Variants in PGPEP1L observed in about 807,000 individuals in gnomAD.
PGPEP1L encodes the protein pyroglutamyl-peptidase 1-like protein.
Under a neutral mutation model 6.0 loss-of-function variants are expected in PGPEP1L, and 7 were observed. The ratio of observed to expected loss-of-function variants is 1.17; its 90% CI spans 0.66 to 2.19. PGPEP1L has a LOEUF of 2.19. Ranked by LOEUF, PGPEP1L falls within the 30% of genes most tolerant of loss-of-function variation. The pLI is 0.00. For synonymous variants in PGPEP1L, 103 were observed against 83.9 expected (o/e 1.23, Z -1.24); for missense variants, 209 against 192.5 (o/e 1.09, Z -0.51).
chr15:98,983,907 CTT>C (rs928605647), intron 2 of PGPEP1L, among the ~76,000 whole-genome samples: 4 of 151,656 alleles, frequency 2.6e-5, no homozygotes, highest in South Asian at 2.1e-4. Context: ...GCTCACCTCT[CTT>C]AGAGGCAAAA....
At chr15:98,970,225 G>A (rs1178847111) in intron 3 of PGPEP1L, among the ~76,000 whole-genome samples, 1 of 151,326 alleles carries the variant, frequency 6.6e-6, no homozygotes, top group Non-Finnish European at 1.5e-5. Context: ...TGTATTTGTA[G>A]TAGAGATGGG....
chr15:99,003,302 AATC>A lies in PGPEP1L; in HGVS notation c.-142+2124_-142+2126del, dbSNP rs1303898357. On this transcript the variant is annotated intron_variant, in intron 2 of 4. Transcript: ENST00000535714. ...ACACAAAAATCACATTCTGCTTTAG[AATC>A]ATATTTGTATCAGCAAATATGACAT... 2.6e-5 allele frequency among the ~76,000 whole-genome samples: 4 copies of A among 151,712 alleles called. No individual in the cohort carries two copies. In the East Asian group the frequency reaches 7.7e-4, roughly 29 times the overall value.
intron 2 of PGPEP1L, among the ~76,000 whole-genome samples, chr15:98,975,475 C>T (rs988461825): frequency 2.0e-5 from 3 of 152,180 alleles, no homozygotes; most frequent in African/African-American, 7.2e-5. Context: ...AGATTTAGAA[C>T]GTCCTCAGCA....
intron 2 of PGPEP1L, among the ~76,000 whole-genome samples, chr15:98,987,852 G>C (rs2017769311): frequency 6.6e-6 from 1 of 152,196 alleles, no homozygotes; most frequent in East Asian, 2.0e-4. Flanking sequence ...AAGCAGGGTG[G>C]GGCGCTGTCC....
intron 3 of PGPEP1L, 48 bp downstream of exon 3, chr15:98,970,988 G>A (rs753461627): frequency 6.2e-7 from 1 of 1,608,192 alleles, no homozygotes. Context: ...AGAGGCTCCA[G>A]CTCCACATCG....
chr15:99,000,599 T>G (rs1316040203), intron 2 of PGPEP1L, among the ~76,000 whole-genome samples: 3 of 152,208 alleles, frequency 2.0e-5, no homozygotes, highest in Non-Finnish European at 4.4e-5. Context: ...GGTTTGTGAA[T>G]GCACCAATCG....
chr15:99,003,622 A>G (rs1288762151), intron 2 of PGPEP1L, among the ~76,000 whole-genome samples: 1 of 151,914 alleles, frequency 6.6e-6, no homozygotes, highest in Non-Finnish European at 1.5e-5. Context: ...TTACACACGA[A>G]GCAAATCCAA....
chr15:98,978,696 A>C (rs916687640), intron 2 of PGPEP1L, among the ~76,000 whole-genome samples: 1 of 142,470 alleles, frequency 7.0e-6, no homozygotes, highest in Non-Finnish European at 1.5e-5. Context: ...TTTCTCTAGC[A>C]TTAGACTGTG....
intron 2 of PGPEP1L, among the ~76,000 whole-genome samples, chr15:98,972,898 A>T (rs1235535434): frequency 6.8e-6 from 1 of 146,488 alleles, no homozygotes; most frequent in Non-Finnish European, 1.5e-5. Flanking sequence ...AAAAAAAAAA[A>T]AAAAGTGCAG....
At chr15:99,006,774 G>A (rs1453983055) in intron 1 of PGPEP1L, among the ~76,000 whole-genome samples, 1 of 150,088 alleles carries the variant, frequency 6.7e-6, no homozygotes, top group Non-Finnish European at 1.5e-5. Context: ...CTCCACCCTG[G>A]GTGACAGAGT....
At chr15:99,000,663 CTCTGTA>C (rs2017953208) in intron 2 of PGPEP1L, among the ~76,000 whole-genome samples, 1 of 152,158 alleles carries the variant, frequency 6.6e-6, no homozygotes, top group African/African-American at 2.4e-5. Flanking sequence ...TGTATCCACA[CTCTGTA>C]TCTAACTAAT....
intron 2 of PGPEP1L, among the ~76,000 whole-genome samples, chr15:98,999,193 G>T (rs1262838437): frequency 6.6e-6 from 1 of 152,130 alleles, no homozygotes; most frequent in South Asian, 2.1e-4. Context: ...TGCAAATCAT[G>T]TATTTCACCA....
At chr15:98,979,095 A>G (rs2017617590) in intron 2 of PGPEP1L, among the ~76,000 whole-genome samples, 1 of 151,960 alleles carries the variant, frequency 6.6e-6, no homozygotes, top group Non-Finnish European at 1.5e-5. Flanking sequence ...CAATGCCCTC[A>G]AGATTCTGGT....
intron 2 of PGPEP1L, among the ~76,000 whole-genome samples, chr15:98,981,970 G>C (rs934646395): frequency 3.3e-5 from 5 of 152,156 alleles, no homozygotes; most frequent in Non-Finnish European, 7.4e-5. Context: ...AAAATGTGGG[G>C]GTCATTCTGA....
chr15:98,979,484 T>C (rs1046408404), intron 2 of PGPEP1L, among the ~76,000 whole-genome samples: 3 of 152,118 alleles, frequency 2.0e-5, no homozygotes, highest in Non-Finnish European at 4.4e-5. Context: ...CAATTTGCAA[T>C]TGCAGAAATG....
At chr15:98,983,606 A>G (rs565750916) in intron 2 of PGPEP1L, among the ~76,000 whole-genome samples, 3 of 152,198 alleles carry the variant, frequency 2.0e-5, no homozygotes, top group Non-Finnish European at 4.4e-5. Context: ...CTCCAAAATT[A>G]GAGTATCCAG....
At chr15:98,970,467 T>C (rs1364427356) in intron 3 of PGPEP1L, among the ~76,000 whole-genome samples, 3 of 151,928 alleles carry the variant, frequency 2.0e-5, no homozygotes, top group East Asian at 1.9e-4. Flanking sequence ...AAGTATGTTA[T>C]CAAAACATCT....
chr15:98,981,187 C>T (rs1040183829), intron 2 of PGPEP1L, among the ~76,000 whole-genome samples: 5 of 152,024 alleles, frequency 3.3e-5, no homozygotes, highest in South Asian at 4.2e-4. Context: ...AAACCATCAA[C>T]GTCATCAAAA....
intron 2 of PGPEP1L, among the ~76,000 whole-genome samples, chr15:98,981,502 A>AC (rs1262949638): frequency 1.4e-5 from 2 of 145,784 alleles, no homozygotes; most frequent in East Asian, 2.1e-4. Flanking sequence ...AAAAAAAAAA[A>AC]AAAACAAAAA....
Sources: gnomAD v4.1 joint callset for allele counts (sites outside exome capture counted in the v4.1 genomes callset) on GRCh38, gnomAD v4.1.1 for gene constraint, MANE v1.5 for transcripts, NCBI Gene and HGNC (gene_info 2026-07-23, HGNC 2026-07-21) for gene names.